Variants in ALPK1 observed in about 807,000 individuals in gnomAD.
ALPK1 encodes alpha kinase 1.
Under a neutral mutation model 120.6 loss-of-function variants are expected in ALPK1, and 110 were observed. The observed-to-expected ratio is 0.91, with a 90% confidence interval of 0.78 to 1.07. The LOEUF is 1.07. Among genes scored for constraint, ALPK1 ranks in the 50% least tolerant of loss-of-function variants. The pLI is 0.00. For missense variants in ALPK1, 1,498 were observed against 1,483.9 expected, an observed-to-expected ratio of 1.01 and a Z score of -0.16; for synonymous variants, 582 against 560.3, an observed-to-expected ratio of 1.04 and a Z score of -0.55.
chr4:112,430,461 C>T lies in ALPK1; in HGVS notation c.914C>T (p.Thr305Met), dbSNP rs766255537. ...TATTTTTCCCAGAATATCCGTGGCACGTGTTTATTGTCCTACAGTAGTTCA... is the reference window on the plus strand; with the variant it reads ...TATTTTTCCCAGAATATCCGTGGCATGTGTTTATTGTCCTACAGTAGTTCA... ...FVLTAVNIRGTCLLSYSSSND... is the reference protein window; with the variant it reads ...FVLTAVNIRGMCLLSYSSSND... The change falls in exon 11 of 16, where the codon ACG becomes ATG. Residue 305 changes from threonine to methionine, a missense_variant. By Grantham distance (81) the Thr-to-Met change is moderately conservative. Coordinates refer to ENST00000650871, the MANE Select transcript of ALPK1 (RefSeq NM_025144.4). 34 of 1,572,034 alleles carry T rather than the reference C, an allele frequency of 2.2e-5. No individual in the cohort carries two copies. The Middle Eastern group carries it at 5.1e-4, about 24-fold the overall frequency.
chr4:112,395,924 C>T (rs1023237513), intron 4 of ALPK1, among the ~76,000 whole-genome samples: 3 of 152,130 alleles, frequency 2.0e-5, no homozygotes, highest in African/African-American at 7.2e-5. Context: ...AAATTTCTGC[C>T]TTCCCTAATG....
intron 5 of ALPK1, among the ~76,000 whole-genome samples, chr4:112,415,725 A>G (rs938844184): frequency 1.3e-5 from 2 of 152,184 alleles, no homozygotes; most frequent in Non-Finnish European, 2.9e-5. Flanking sequence ...CAGGCAGCGC[A>G]TGCAAGTTTG....
At chr4:112,412,607 G>A (rs1255865862) in intron 5 of ALPK1, among the ~76,000 whole-genome samples, 1 of 151,994 alleles carries the variant, frequency 6.6e-6, no homozygotes, top group East Asian at 1.9e-4. Context: ...GAAGAGGGCT[G>A]GGGGGAGGGG....
chr4:112,370,781 A>G (rs1209703133), intron 2 of ALPK1, among the ~76,000 whole-genome samples: 3 of 152,262 alleles, frequency 2.0e-5, no homozygotes, highest in Non-Finnish European at 2.9e-5. Flanking sequence ...ACTTTCAAAA[A>G]GTATGAAGAA....
chr4:112,398,189 G>C (rs1016483976), intron 4 of ALPK1, among the ~76,000 whole-genome samples: 1 of 152,298 alleles, frequency 6.6e-6, no homozygotes, highest in Non-Finnish European at 1.5e-5. Context: ...AAAGAGTCTG[G>C]AGAATGGTGA....
chr4:112,426,895 T>C (rs1734259591), intron 8 of ALPK1, among the ~76,000 whole-genome samples: 1 of 152,224 alleles, frequency 6.6e-6, no homozygotes, highest in Non-Finnish European at 1.5e-5. Flanking sequence ...AAAATCAGTT[T>C]TCTTGAGTTG....
At chr4:112,388,444 C>A (rs978897935) in intron 4 of ALPK1, among the ~76,000 whole-genome samples, 1 of 152,160 alleles carries the variant, frequency 6.6e-6, no homozygotes, top group Admixed American at 6.5e-5. Flanking sequence ...TGAATAAGCT[C>A]TTGATTAAAA....
intron 1 of ALPK1, among the ~76,000 whole-genome samples, chr4:112,297,917 C>G (rs1026005802): frequency 5.9e-5 from 9 of 152,086 alleles, no homozygotes; most frequent in African/African-American, 1.7e-4. Flanking sequence ...ACTTTTATGA[C>G]AGCATCAGTA....
intron 2 of ALPK1, among the ~76,000 whole-genome samples, chr4:112,368,277 T>G (rs184171425): frequency 8.5e-5 from 13 of 152,368 alleles, no homozygotes; most frequent in Admixed American, 2.6e-4. Flanking sequence ...TTAATTTTTA[T>G]ATTTTTATTT....
intron 5 of ALPK1, among the ~76,000 whole-genome samples, 185 bp downstream of exon 5, chr4:112,412,210 C>T (rs2148749646): frequency 6.6e-6 from 1 of 152,222 alleles, no homozygotes. Context: ...CACAAAGGCC[C>T]TGGCATAAAG....
chr4:112,408,338 A>G lies in ALPK1; in HGVS notation c.277-3489A>G, dbSNP rs114674758. Among the ~76,000 whole-genome samples the G allele has an allele frequency of 1.5e-3, 224 of 152,336 alleles. 3 individuals carry two copies. Among genetic ancestry groups the G allele is most frequent in the African/African-American group, 4.4e-3 (181 of 41,574 alleles). On this transcript the variant is annotated intron_variant, in intron 4 of 15. Coordinates refer to ENST00000650871, the MANE Select transcript of ALPK1 (RefSeq NM_025144.4). ...AGCTGAAGATACAAAACAAAGGACT[A>G]TATCTATGTGTCCTTAGCACAGGAA...
intron 2 of ALPK1, among the ~76,000 whole-genome samples, chr4:112,340,019 C>T (rs1242508967): frequency 3.3e-5 from 5 of 152,234 alleles, no homozygotes; most frequent in Non-Finnish European, 4.4e-5. Flanking sequence ...ACTTGGATTT[C>T]GGCCTCCTTG....
intron 1 of ALPK1, among the ~76,000 whole-genome samples, chr4:112,310,765 TG>T (rs1728366685): frequency 1.3e-5 from 2 of 152,238 alleles, no homozygotes; most frequent in Middle Eastern, 3.4e-3. Flanking sequence ...AAGTTTTTTT[TG>T]ATAATTAAAT....
In ALPK1 at chr4:112,441,149, T is replaced by G. The variant is rs745911100; in HGVS notation, c.3727+44T>G. The G allele has an allele frequency of 1.9e-6, 3 of 1,613,790 alleles. No homozygotes were observed. The African/African-American group carries it at 4.0e-5, about 22-fold the overall frequency. On this transcript the variant is annotated intron_variant, in intron 15 of 15. Coordinates refer to ENST00000650871, the MANE Select transcript of ALPK1 (RefSeq NM_025144.4). ...GGATTGGTAATGTGACAGACCTTAG[T>G]GATGCTCTCAAATATCTGGTGATGC...
intron 2 of ALPK1, among the ~76,000 whole-genome samples, chr4:112,333,934 G>GT (rs139191739): frequency 0.02 from 2,962 of 148,750 alleles, 95 homozygotes; most frequent in African/African-American, 0.066. Context: ...TGTTTTTTGT[G>GT]TTTTTTTTTG....
chr4:112,429,290 A>G (rs1405875937), intron 10 of ALPK1, 37 bp downstream of exon 10: 2 of 1,532,472 alleles, frequency 1.3e-6, no homozygotes, highest in Non-Finnish European at 1.8e-6. Flanking sequence ...CCCCCACAGG[A>G]CCTCTCCCAG....
intron 5 of ALPK1, chr4:112,423,577 C>T (rs1227401609): frequency 3.2e-5 from 12 of 371,894 alleles, no homozygotes; most frequent in Non-Finnish European, 5.2e-5. Context: ...ATAACTAGTT[C>T]CTGTCCACGG....
At chr4:112,413,789 G>A (rs1733603546) in intron 5 of ALPK1, among the ~76,000 whole-genome samples, 1 of 152,146 alleles carries the variant, frequency 6.6e-6, no homozygotes, top group South Asian at 2.1e-4. Flanking sequence ...TAACCAGGTG[G>A]TATAGCAGTT....
At chr4:112,368,711 G>A (rs953752217) in intron 2 of ALPK1, among the ~76,000 whole-genome samples, 3 of 152,098 alleles carry the variant, frequency 2.0e-5, no homozygotes, top group African/African-American at 7.2e-5. Flanking sequence ...AATTCTCAAG[G>A]GAAAAATTTT....
Sources: allele counts gnomAD v4.1 joint callset (sites outside exome capture counted in the v4.1 genomes callset), GRCh38; gene constraint gnomAD v4.1.1; transcripts MANE v1.5; gene names NCBI Gene and HGNC (gene_info 2026-07-23, HGNC 2026-07-21).